Variants in UNC13C observed in about 807,000 individuals in gnomAD.
UNC13C encodes protein unc-13 homolog C.
Under a neutral mutation model 245.4 loss-of-function variants are expected in UNC13C, and 174 were observed. That is an observed-to-expected ratio of 0.71 (90% confidence interval 0.63 to 0.80). The LOEUF is 0.80. UNC13C is among the 30% of genes least tolerant of loss of function. UNC13C has a pLI of 0.00. For missense variants in UNC13C, 2,829 were observed against 2,602.9 expected, an observed-to-expected ratio of 1.09 and a Z score of -1.89; for synonymous variants, 992 against 895.1, an observed-to-expected ratio of 1.11 and a Z score of -1.93.
chr15:54,015,511 C>A lies in UNC13C; in HGVS notation c.2608C>A (p.Pro870Thr). Reference sequence around the variant, plus strand: ...AGAGGATGAGGAAGATTATACTGAACCAGTGGCTGACAATGAAACAGATTA... The same window carrying A: ...AGAGGATGAGGAAGATTATACTGAAACAGTGGCTGACAATGAAACAGATTA... ...KAEDEEDYTEPVADNETDYVE... is the reference protein window; with the variant it reads ...KAEDEEDYTETVADNETDYVE... Residue 870 changes from proline to threonine, a missense_variant, in exon 2 of 33, where the codon CCA becomes ACA. Transcript: ENST00000260323. 2 of 1,612,748 alleles carry A rather than the reference C, an allele frequency of 1.2e-6. No homozygotes were observed. The highest frequency in any genetic ancestry group is 1.7e-6 in the Non-Finnish European group (2 of 1,179,064).
chr15:54,146,982 T>C (rs2032287109), intron 4 of UNC13C, among the ~76,000 whole-genome samples: 1 of 152,188 alleles, frequency 6.6e-6, no homozygotes, highest in Non-Finnish European at 1.5e-5. Context: ...GCTTATTAGA[T>C]GAGTCTTTCA....
intron 2 of UNC13C, among the ~76,000 whole-genome samples, chr15:54,079,388 G>T (rs1898814206): frequency 6.6e-6 from 1 of 151,476 alleles, no homozygotes; most frequent in South Asian, 2.1e-4. Flanking sequence ...TGAATTTTTA[G>T]TTTTTTTTAT....
intron 17 of UNC13C, among the ~76,000 whole-genome samples, chr15:54,388,157 GT>G (rs1262760470): frequency 1.3e-5 from 2 of 151,942 alleles, no homozygotes; most frequent in South Asian, 2.1e-4. Context: ...TTCACTCCTT[GT>G]TTCCTCTAGA....
chr15:54,483,801 A>T (rs1187602648), intron 19 of UNC13C, among the ~76,000 whole-genome samples: 1 of 152,132 alleles, frequency 6.6e-6, no homozygotes, highest in East Asian at 1.9e-4. Flanking sequence ...ATTGCATAGG[A>T]TGTTAAGGTT....
At position 54,110,486 on chromosome 15, in the gene UNC13C, C is replaced by T. The variant is rs28498284; in HGVS notation, c.2984-32532C>T. Among the ~76,000 whole-genome samples, 1,202 of 152,096 alleles carry T rather than the reference C, an allele frequency of 7.9e-3. 15 individuals are homozygous for T. The highest frequency in any genetic ancestry group is 0.028 in the African/African-American group (1,147 of 41,464). On this transcript the variant is annotated intron_variant, in intron 2 of 32. Transcript: ENST00000260323. ...CAGTGTATAACCTTGGAAATGAGAT[C>T]GCTTTCTATGTTGAAAAGACTTGTG...
At chr15:54,293,550 C>T (rs564620881) in intron 10 of UNC13C, among the ~76,000 whole-genome samples, 1 of 151,956 alleles carries the variant, frequency 6.6e-6, no homozygotes, top group African/African-American at 2.4e-5. Flanking sequence ...GAAGAATTTT[C>T]CAAGCATGGA....
intron 2 of UNC13C, among the ~76,000 whole-genome samples, chr15:54,097,629 A>C (rs1215061553): frequency 1.3e-5 from 2 of 152,176 alleles, no homozygotes; most frequent in Non-Finnish European, 1.5e-5. Flanking sequence ...CTTTGTAGCA[A>C]CTTCTAGGAG....
chr15:54,313,160 T>C (rs2037919355), intron 13 of UNC13C, among the ~76,000 whole-genome samples: 1 of 151,776 alleles, frequency 6.6e-6, no homozygotes, highest in Admixed American at 6.6e-5. Flanking sequence ...AAAGTTAAAA[T>C]GCTGCTTTCA....
chr15:54,514,129 T>C (rs1021619554), intron 24 of UNC13C, among the ~76,000 whole-genome samples: 2 of 152,220 alleles, frequency 1.3e-5, no homozygotes, highest in African/African-American at 4.8e-5. Context: ...TCTTCCAATA[T>C]TGTTGTATAA....
In UNC13C at chr15:54,014,433, C is replaced by T. The variant is rs376683456; in HGVS notation, c.1530C>T (p.Ile510=). ...CAAATAAATCAGATTATGATAAAATCTCCTCACAGTTGCCAGAATCAGATA... is the reference window on the plus strand; with the variant it reads ...CAAATAAATCAGATTATGATAAAATTTCCTCACAGTTGCCAGAATCAGATA... ...RISNKSDYDK[I]SSQLPESDIL... Residue 510 remains isoleucine, a synonymous_variant, in exon 2 of 33, where the codon ATC becomes ATT. Transcript: ENST00000260323. The T allele has an allele frequency of 1.1e-5, 17 of 1,613,796 alleles. No individual in the cohort carries two copies. Among genetic ancestry groups the T allele is most frequent in the Non-Finnish European group, 1.4e-5 (16 of 1,179,826 alleles).
chr15:54,362,978 G>A (rs1473467176), intron 17 of UNC13C, among the ~76,000 whole-genome samples: 1 of 152,152 alleles, frequency 6.6e-6, no homozygotes, highest in East Asian at 1.9e-4. Context: ...AAAGGCCAGA[G>A]AGAATATTGC....
At chr15:54,436,483 A>T (rs868740506) in intron 19 of UNC13C, among the ~76,000 whole-genome samples, 2 of 151,860 alleles carry the variant, frequency 1.3e-5, no homozygotes, top group African/African-American at 2.4e-5. Context: ...CTATGCAGCC[A>T]TAAAAAAGGA....
At chr15:54,459,184 A>G (rs1206688433) in intron 19 of UNC13C, among the ~76,000 whole-genome samples, 4 of 152,176 alleles carry the variant, frequency 2.6e-5, no homozygotes, top group Non-Finnish European at 5.9e-5. Flanking sequence ...TTCTTGGCTG[A>G]TAACTATTTT....
intron 24 of UNC13C, among the ~76,000 whole-genome samples, chr15:54,513,091 G>C (rs1412067740): frequency 6.6e-6 from 1 of 152,222 alleles, no homozygotes; most frequent in South Asian, 2.1e-4. Context: ...TAAAGTTTGA[G>C]GGCATTGATC....
At chr15:54,498,110 A>G (rs961467024) in intron 20 of UNC13C, among the ~76,000 whole-genome samples, 7 of 152,180 alleles carry the variant, frequency 4.6e-5, no homozygotes, top group African/African-American at 1.7e-4. Flanking sequence ...AGAGATATCT[A>G]TCTATATAGG....
At chr15:54,480,398 G>A (rs1293970331) in intron 19 of UNC13C, among the ~76,000 whole-genome samples, 6 of 144,282 alleles carry the variant, frequency 4.2e-5, no homozygotes, top group African/African-American at 1.0e-4. Context: ...CATAGGCTTC[G>A]TTCATTCTTT....
At chr15:53,938,124 G>A in the UNC13C span, among the ~76,000 whole-genome samples, 15 of 152,122 alleles carry the variant, frequency 9.9e-5, no homozygotes, top group Non-Finnish European at 1.8e-4. Flanking sequence ...TTGGTATGCT[G>A]TCTTCAAGAG....
intron 2 of UNC13C, among the ~76,000 whole-genome samples, chr15:54,065,908 C>G (rs1306320950): frequency 3.9e-5 from 6 of 152,188 alleles, no homozygotes; most frequent in African/African-American, 1.4e-4. Context: ...ACTGTACTGG[C>G]TAATGGAAAA....
At chr15:53,971,523 T>A in the UNC13C span, among the ~76,000 whole-genome samples, 1 of 152,114 alleles carries the variant, frequency 6.6e-6, no homozygotes, top group African/African-American at 2.4e-5. Flanking sequence ...GGAGAAAATA[T>A]TTGCAGGAAG....
Sources: gnomAD v4.1 joint callset for allele counts (sites outside exome capture counted in the v4.1 genomes callset) on GRCh38, gnomAD v4.1.1 for gene constraint, MANE v1.5 for transcripts, NCBI Gene and HGNC (gene_info 2026-07-23, HGNC 2026-07-21) for gene names.